Variants in PRPF31 observed in about 807,000 individuals in gnomAD.
PRPF31 encodes the protein pre-mRNA processing factor 31, also known as U4/U6 small nuclear ribonucleoprotein Prp31.
PRPF31 carries 12 observed loss-of-function variants against 60.4 expected under a neutral mutation model. That is an observed-to-expected ratio of 0.20 (90% confidence interval 0.13 to 0.32). The LOEUF (loss-of-function observed/expected upper bound fraction) is 0.32, where lower values mean the gene tolerates loss of function less well. Ranked by LOEUF, PRPF31 falls within the 10% of genes least tolerant of loss-of-function variation. PRPF31 has a pLI of 1.00. For synonymous variants in PRPF31, 287 were observed against 287.9 expected (o/e 1.00, Z 0.03); for missense variants, 431 against 687.1 (o/e 0.63, Z 4.17).
chr19:54,121,452 A>AGGAAC (rs1343949312), intron 3 of PRPF31, among the ~76,000 whole-genome samples: 1 of 152,144 alleles, frequency 6.6e-6, no homozygotes, highest in Non-Finnish European at 1.5e-5. Flanking sequence ...GTCAGCAAAC[A>AGGAAC]GGAACGGGGG....
intron 3 of PRPF31, among the ~76,000 whole-genome samples, chr19:54,121,081 C>T (rs187597480): frequency 2.0e-3 from 306 of 152,148 alleles, no homozygotes; most frequent in Non-Finnish European, 3.8e-3. Flanking sequence ...CACCTGAGGT[C>T]GGGAGTTCGA....
chr19:54,125,505 AAAAAAC>A (rs2073898232), intron 8 of PRPF31, among the ~76,000 whole-genome samples: 1 of 150,528 alleles, frequency 6.6e-6, no homozygotes, highest in Non-Finnish European at 1.5e-5. Context: ...CAAAAAAAAA[AAAAAAC>A]AAGCAAGACA....
intron 10 of PRPF31, 30 bp downstream of exon 10, chr19:54,128,230 G>T: frequency 3.2e-6 from 5 of 1,566,586 alleles, no homozygotes; most frequent in Non-Finnish European, 4.3e-6. Flanking sequence ...CGGTAGGCAT[G>T]GGGGTCATGG....
intron 4 of PRPF31, 110 bp downstream of exon 4, chr19:54,122,053 C>A: frequency 8.8e-7 from 1 of 1,131,488 alleles, no homozygotes; most frequent in South Asian, 1.3e-5. Context: ...AAGCTCAGAT[C>A]GAGGTTGACC....
intron 8 of PRPF31, 193 bp downstream of exon 8, chr19:54,124,849 TG>T: frequency 1.5e-6 from 1 of 676,180 alleles, no homozygotes; most frequent in Non-Finnish European, 2.6e-6. Flanking sequence ...CAGGTGACTG[TG>T]GGCAAGAGGC....
intron 2 of PRPF31, 57 bp from the exon 3 acceptor site, chr19:54,118,516 G>A (rs1188747831): frequency 1.2e-6 from 2 of 1,613,594 alleles, no homozygotes; most frequent in East Asian, 4.5e-5. Flanking sequence ...AGAAGGGGGT[G>A]ATACAGGCTT....
Position 54,124,919 on chromosome 19 carries a change from A to G in PRPF31, c.855+263A>G, listed in dbSNP as rs11084311. The G allele has an allele frequency of 0.13, 76,702 of 586,822 alleles. 5,446 individuals are homozygous for G. The highest frequency in any genetic ancestry group is 0.21 in the Admixed American group (7,002 of 33,826). The allele number at this position is 586,822 out of a possible 1,614,324, so 36.4% of individuals were successfully genotyped here. On this transcript the variant is annotated intron_variant, in intron 8 of 13. Coordinates refer to ENST00000321030, the MANE Select transcript of PRPF31 (RefSeq NM_015629.4). Reference sequence around the variant, plus strand: ...CAAATGGGAGCACAGCGCCTGCTTCATGAGTTGGGACGAGGGCTCAGTGCA... The same window carrying G: ...CAAATGGGAGCACAGCGCCTGCTTCGTGAGTTGGGACGAGGGCTCAGTGCA...
At chr19:54,127,957 C>T in intron 9 of PRPF31, 116 bp from the exon 10 acceptor site, 1 of 1,394,966 alleles carries the variant, frequency 7.2e-7, no homozygotes, top group Non-Finnish European at 9.9e-7. Context: ...GGCGGTGAGG[C>T]AGCATTAGGT....
At chr19:54,122,015 C>A in intron 4 of PRPF31, 72 bp downstream of exon 4, 1 of 1,466,838 alleles carries the variant, frequency 6.8e-7, no homozygotes, top group East Asian at 2.4e-5. Context: ...TCCCCACTGG[C>A]CTTTCCCAGG....
At chr19:54,124,130 C>A in intron 7 of PRPF31, 1 of 1,080,454 alleles carries the variant, frequency 9.3e-7, no homozygotes, top group Non-Finnish European at 1.3e-6. Flanking sequence ...CTCCCCTGTG[C>A]CGGAAACCCA....
chr19:54,123,945 A>G, intron 7 of PRPF31, 27 bp downstream of exon 7: 1 of 1,612,154 alleles, frequency 6.2e-7, no homozygotes, highest in Non-Finnish European at 8.5e-7. Context: ...GGTCCCATGG[A>G]GCGGGGGTCT....
At position 54,123,890 on chromosome 19, in the gene PRPF31, C is replaced by T. The variant is rs767602745; in HGVS notation, c.669C>T (p.Ile223=). The change falls in exon 7 of 14, where the codon ATC becomes ATT. Residue 223 remains isoleucine (I), a synonymous_variant. Coordinates refer to ENST00000321030, the MANE Select transcript of PRPF31 (RefSeq NM_015629.4). ...TCGCACCCAACCTGTCCATCATTAT[C>T]GGGGCATCCACGGCCGCCAAGATCA... The part of the protein sequence containing the change: ...SFIAPNLSII[I]GASTAAKIMG... 29 of 1,613,854 alleles carry T rather than the reference C, an allele frequency of 1.8e-5. No individual in the cohort carries two copies. The highest frequency in any genetic ancestry group is 4.4e-5 in the South Asian group (4 of 91,092).
chr19:54,122,958 G>A, intron 5 of PRPF31: 1 of 474,952 alleles, frequency 2.1e-6, no homozygotes, highest in Non-Finnish European at 3.9e-6. Context: ...TGGGGAGGAA[G>A]TGAGGCGGGG....
chr19:54,125,614 C>G (rs2073902768), intron 8 of PRPF31, among the ~76,000 whole-genome samples: 1 of 152,184 alleles, frequency 6.6e-6, no homozygotes, highest in African/African-American at 2.4e-5. Context: ...TGCCTGGCCT[C>G]CCCCAGGGAT....
intron 5 of PRPF31, chr19:54,123,091 C>A: frequency 2.1e-6 from 1 of 480,138 alleles, no homozygotes; most frequent in Non-Finnish European, 3.8e-6. Context: ...GAGGTCCCCA[C>A]GCATGTCCAG....
intron 5 of PRPF31, chr19:54,123,071 G>T: frequency 2.2e-6 from 1 of 464,514 alleles, no homozygotes. Context: ...CGTGAGGGCG[G>T]GGAGAGGAGG....
At chr19:54,127,073 T>C (rs1289111212) in intron 9 of PRPF31, among the ~76,000 whole-genome samples, 1 of 152,094 alleles carries the variant, frequency 6.6e-6, no homozygotes, top group Non-Finnish European at 1.5e-5. Flanking sequence ...TGAACTGAGA[T>C]TGCATCATTG....
At chr19:54,129,232 G>T (rs199692595) in intron 12 of PRPF31, 40 bp from the exon 13 acceptor site, 113 of 1,601,960 alleles carry the variant, frequency 7.1e-5, no homozygotes, top group Middle Eastern at 6.6e-4. Context: ...GACACAAGGT[G>T]GGGGGAGCCC....
At chr19:54,120,818 C>T (rs1050051699) in intron 3 of PRPF31, among the ~76,000 whole-genome samples, 7 of 152,026 alleles carry the variant, frequency 4.6e-5, no homozygotes, top group South Asian at 2.1e-4. Flanking sequence ...CTCCCTATGT[C>T]GCCCAGGTTG....
Sources: gnomAD v4.1 joint callset for allele counts (sites outside exome capture counted in the v4.1 genomes callset) on GRCh38, gnomAD v4.1.1 for gene constraint, MANE v1.5 for transcripts, NCBI Gene and HGNC (gene_info 2026-07-23, HGNC 2026-07-21) for gene names.